Variants in ABCC6 observed in about 807,000 individuals in gnomAD.
ABCC6 encodes the protein ATP binding cassette subfamily C member 6.
ABCC6 carries 126 observed loss-of-function variants against 169.5 expected under a neutral mutation model. The ratio of observed to expected loss-of-function variants is 0.74; its 90% CI spans 0.64 to 0.86. ABCC6 has a LOEUF of 0.86. ABCC6 is among the 40% of genes least tolerant of loss of function. The pLI is 0.00. For synonymous variants in ABCC6, 752 were observed against 814.7 expected (o/e 0.92, Z 1.31); for missense variants, 1,733 against 1,927.2 (o/e 0.90, Z 1.89).
At chr16:16,193,797 T>C (rs1217237262) in intron 10 of ABCC6, among the ~76,000 whole-genome samples, 1 of 152,230 alleles carries the variant, frequency 6.6e-6, no homozygotes, top group African/African-American at 2.4e-5. Flanking sequence ...AACCCTCTTT[T>C]GGGATCTGGA....
At chr16:16,209,145 G>A (rs2048506331) in intron 6 of ABCC6, among the ~76,000 whole-genome samples, 1 of 152,112 alleles carries the variant, frequency 6.6e-6, no homozygotes, top group Non-Finnish European at 1.5e-5. Context: ...GTGCAGTGGT[G>A]CAATCTCGGC....
chr16:16,204,872 G>A lies in ABCC6; in HGVS notation c.795-1259C>T, dbSNP rs185767112. ...TTTTTTGAGACAGAGTTTCGCTCTT[G>A]TCGCCCAGGCTGGAGTGCAGTGTAG... On this transcript the variant is annotated intron_variant, in intron 7 of 30. Transcript: ENST00000205557. Among the ~76,000 whole-genome samples, 164 of 135,998 alleles carry A rather than the reference G, an allele frequency of 1.2e-3. No homozygotes were observed. The Middle Eastern group carries it at 0.028, about 23-fold the overall frequency. 89.2% of individuals were successfully genotyped at this position (135,998 alleles called of 152,430 possible). A position where few individuals can be genotyped will look rare whatever the true frequency, so the allele number is the denominator to read the frequency against.
intron 5 of ABCC6, among the ~76,000 whole-genome samples, chr16:16,213,653 C>T (rs1243230661): frequency 6.7e-5 from 10 of 149,854 alleles, no homozygotes; most frequent in African/African-American, 2.2e-4. Context: ...CTCCACATCC[C>T]GGATTCAAGC....
intron 7 of ABCC6, among the ~76,000 whole-genome samples, chr16:16,204,699 G>C (rs918408362): frequency 2.6e-5 from 4 of 152,192 alleles, no homozygotes; most frequent in Non-Finnish European, 5.9e-5. Flanking sequence ...GCTGCTGACA[G>C]TCCGGTTGCT....
chr16:16,187,625 C>T (rs184305158), intron 13 of ABCC6, among the ~76,000 whole-genome samples: 65 of 152,306 alleles, frequency 4.3e-4, no homozygotes, highest in Admixed American at 2.0e-3. Flanking sequence ...CCAGGTGCAG[C>T]GGCTCATGCC....
In ABCC6 at chr16:16,198,162, G is replaced by A; in HGVS notation, c.1197C>T (p.Gly399=). The A allele has an allele frequency of 6.2e-7, 1 of 1,605,658 alleles. No homozygotes were observed. The highest frequency in any genetic ancestry group is 8.5e-7 in the Non-Finnish European group (1 of 1,175,920). The change falls in exon 10 of 31, where the codon GGC becomes GGT. Residue 399 remains glycine, a synonymous_variant. Coordinates refer to ENST00000205557, the MANE Select transcript of ABCC6 (RefSeq NM_001171.6). ...CACCCACCGCACTGGCCTTTCTGGAGCCGCTGGACAGAGCCAGGACCTGGC... is the reference window on the plus strand; with the variant it reads ...CACCCACCGCACTGGCCTTTCTGGAACCGCTGGACAGAGCCAGGACCTGGC... ...VYRKVLALSS[G]SRKASAVGDV... is the part of the protein sequence containing the mutation.
intron 19 of ABCC6, among the ~76,000 whole-genome samples, chr16:16,177,042 A>G (rs1304326442): frequency 1.3e-5 from 2 of 152,114 alleles, no homozygotes; most frequent in African/African-American, 4.8e-5. Flanking sequence ...CTAGGCATCA[A>G]AGTCCTTCTT....
In ABCC6 at chr16:16,157,663, C is replaced by T. The variant is rs376851894; in HGVS notation, c.3882G>A (p.Lys1294=). 3 of 1,614,040 alleles carry T rather than the reference C, an allele frequency of 1.9e-6. No individual in the cohort carries two copies. The highest frequency in any genetic ancestry group is 2.7e-5 in the African/African-American group (2 of 75,018). ...AAGACATTGTGAGAGAACCACTCAC[C>T]TTCTCTCCTGCGTGGATCTTGAAGG... is the stretch of plus-strand genomic sequence containing the variant. ...GVSFKIHAGE[K]VGIVGRTGAG... is the part of the protein sequence containing the mutation. The change falls in exon 27 of 31, where the codon AAG becomes AAA. Residue 1294 remains lysine, a splice_region_variant and synonymous_variant. Transcript: ENST00000205557.
rs1596604435 is a variant in ABCC6 at position 16,161,368 on chromosome 16, C to T, written c.3633+70G>A. ...TTGGACACAGGGTCTTCAAAGGTCC[C>T]ACTAGCAGGGGTCCGACAGTCTCTG... On this transcript the variant is annotated intron_variant, in intron 25 of 30. Coordinates refer to ENST00000205557, the MANE Select transcript of ABCC6 (RefSeq NM_001171.6). 8 of 1,609,194 alleles carry T rather than the reference C, an allele frequency of 5.0e-6. No homozygotes were observed. The East Asian group carries it at 8.9e-5, about 18-fold the overall frequency.
Position 16,182,878 on chromosome 16 carries a change from C to T in ABCC6, c.1996G>A (p.Gly666Arg). 6.2e-7 allele frequency: 1 copy of T among 1,614,110 alleles called. No individual in the cohort carries two copies. The highest frequency in any genetic ancestry group is 1.1e-5 in the South Asian group (1 of 91,076). The change falls in exon 16 of 31, where the codon GGG becomes AGG. Residue 666 changes from glycine (G) to arginine (R), a missense_variant. Gly to Arg is a moderately radical substitution (Grantham distance 125). This residue lies in a region of ABCC6 where 1,601 missense variants were observed against 1,635.5 expected (regional missense o/e 0.98). Coordinates refer to ENST00000205557, the MANE Select transcript of ABCC6 (RefSeq NM_001171.6). ...GACAGCAGGGAGGACTTCCCTGCCCCCACTGGACCGACAACAGCCAGCAGA... is the reference window on the plus strand; with the variant it reads ...GACAGCAGGGAGGACTTCCCTGCCCTCACTGGACCGACAACAGCCAGCAGA... ...GCLLAVVGPV[G>R]AGKSSLLSAL...
intron 22 of ABCC6, among the ~76,000 whole-genome samples, chr16:16,166,792 G>C (rs8056307): frequency 0.023 from 3,536 of 152,116 alleles, 128 homozygotes; most frequent in African/African-American, 0.077. Context: ...TCAGGAGGCT[G>C]AGTCAGGAGA....
At chr16:16,185,371 A>C (rs898766076) in intron 14 of ABCC6, among the ~76,000 whole-genome samples, 1 of 152,236 alleles carries the variant, frequency 6.6e-6, no homozygotes, top group Non-Finnish European at 1.5e-5. Context: ...GTTGTGACAG[A>C]GACTGTGTGG....
intron 29 of ABCC6, among the ~76,000 whole-genome samples, chr16:16,152,034 T>C (rs1490580218): frequency 6.6e-6 from 1 of 151,084 alleles, no homozygotes; most frequent in Non-Finnish European, 1.5e-5. Context: ...GTACTAAAAA[T>C]ACAAAAAATT....
intron 26 of ABCC6, 48 bp downstream of exon 26, chr16:16,159,434 C>T (rs1490361223): frequency 6.4e-7 from 1 of 1,557,118 alleles, no homozygotes; most frequent in Admixed American, 1.7e-5. Context: ...TTGCCCCCCC[C>T]CACAATATGT....
intron 22 of ABCC6, among the ~76,000 whole-genome samples, chr16:16,166,499 G>A (rs1486023996): frequency 2.0e-5 from 3 of 152,120 alleles, no homozygotes; most frequent in African/African-American, 2.4e-5. Context: ...ACAGATGGGA[G>A]GGTGTATCTA....
chr16:16,190,102 C>T (rs1752647702), intron 12 of ABCC6, 62 bp downstream of exon 12: 1 of 1,588,014 alleles, frequency 6.3e-7, no homozygotes, highest in African/African-American at 1.3e-5. Context: ...CTACCTCACC[C>T]TGCCCCCACC....
At chr16:16,156,471 C>G (rs922336415) in intron 27 of ABCC6, among the ~76,000 whole-genome samples, 1 of 152,206 alleles carries the variant, frequency 6.6e-6, no homozygotes, top group African/African-American at 2.4e-5. Context: ...CGAGAGGCAG[C>G]TGCTCCACAA....
intron 4 of ABCC6, among the ~76,000 whole-genome samples, chr16:16,217,073 C>T (rs1366559821): frequency 2.0e-4 from 30 of 152,092 alleles, no homozygotes; most frequent in African/African-American, 7.0e-4. Flanking sequence ...ACCCCCTTGA[C>T]TTACCCTTTT....
intron 13 of ABCC6, among the ~76,000 whole-genome samples, chr16:16,187,960 G>T (rs1272212141): frequency 1.3e-5 from 2 of 151,674 alleles, no homozygotes; most frequent in South Asian, 4.2e-4. Context: ...GGCCAGGCGC[G>T]GTGGCTCATG....
Sources: gnomAD v4.1 joint callset for allele counts (sites outside exome capture counted in the v4.1 genomes callset) on GRCh38, gnomAD v4.1.1 for gene constraint, gnomAD v4.1.1 regional missense constraint, MANE v1.5 for transcripts, NCBI Gene and HGNC (gene_info 2026-07-23, HGNC 2026-07-21) for gene names.